Variants in SLC24A4 observed in about 807,000 individuals in gnomAD.
SLC24A4 encodes sodium/potassium/calcium exchanger 4.
SLC24A4 carries 53 observed loss-of-function variants against 79.0 expected under a neutral mutation model. That is an observed-to-expected ratio of 0.67 (90% CI 0.54 to 0.84). The LOEUF (loss-of-function observed/expected upper bound fraction) is 0.84, where lower values mean the gene tolerates loss of function less well. Ranked by LOEUF, SLC24A4 falls within the 40% of genes least tolerant of loss-of-function variation. SLC24A4 has a pLI of 0.00. For missense variants in SLC24A4, 731 were observed against 822.0 expected (o/e 0.89, Z 1.35); for synonymous variants, 323 against 323.8 (o/e 1.00, Z 0.03).
At chr14:92,404,414 G>A (rs546842468) in intron 2 of SLC24A4, among the ~76,000 whole-genome samples, 1 of 152,284 alleles carries the variant, frequency 6.6e-6, no homozygotes, top group East Asian at 1.9e-4. Flanking sequence ...CATCCCCCAT[G>A]TATGAAGGCC....
At position 92,483,271 on chromosome 14, in the gene SLC24A4, TC is replaced by T. The variant is rs991276476; in HGVS notation, c.1422+431del. 2.0e-5 allele frequency among the ~76,000 whole-genome samples: 3 copies of T among 152,018 alleles called. No individual in the cohort carries two copies. The East Asian group carries it at 5.8e-4, about 29-fold the overall frequency. On this transcript the variant is annotated intron_variant, in intron 13 of 16. Transcript: ENST00000532405. ...CCTTGCTCCTGCCCAGGAATGCTCC[TC>T]CCCCCACTGATGTGCTGGTGCTGGT...
chr14:92,337,888 C>T (rs1009175128), intron 2 of SLC24A4, among the ~76,000 whole-genome samples: 3 of 152,124 alleles, frequency 2.0e-5, no homozygotes, highest in African/African-American at 7.2e-5. Context: ...TTAAAGAGAA[C>T]TTAAACTGAA....
intron 12 of SLC24A4, among the ~76,000 whole-genome samples, chr14:92,464,924 C>A (rs1894020219): frequency 6.6e-6 from 1 of 152,170 alleles, no homozygotes; most frequent in South Asian, 2.1e-4. Flanking sequence ...AGGGCAAGGC[C>A]CCAGCCAACA....
chr14:92,408,166 AGTGTGTGTGT>A (rs143375295), intron 2 of SLC24A4, among the ~76,000 whole-genome samples: 157 of 136,916 alleles, frequency 1.1e-3, no homozygotes, highest in African/African-American at 3.7e-3. Context: ...TTGCTACAGC[AGTGTGTGTGT>A]GTGTGTGTGT....
At chr14:92,378,790 C>T (rs1888662258) in intron 2 of SLC24A4, among the ~76,000 whole-genome samples, 1 of 152,210 alleles carries the variant, frequency 6.6e-6, no homozygotes, top group East Asian at 1.9e-4. Context: ...TGGCACGCAC[C>T]TGTAGTCCTA....
At chr14:92,470,382 AGGTT>A (rs1566792087) in intron 12 of SLC24A4, among the ~76,000 whole-genome samples, 1 of 152,174 alleles carries the variant, frequency 6.6e-6, no homozygotes, top group African/African-American at 2.4e-5. Flanking sequence ...TGCAAACCAC[AGGTT>A]AACCACTCCC....
chr14:92,351,059 C>T (rs1886831954), intron 2 of SLC24A4, among the ~76,000 whole-genome samples: 1 of 152,126 alleles, frequency 6.6e-6, no homozygotes, highest in South Asian at 2.1e-4. Context: ...TCTAAGCCTC[C>T]AGAATTGTGG....
At chr14:92,350,761 C>G (rs1311981675) in intron 2 of SLC24A4, among the ~76,000 whole-genome samples, 3 of 152,152 alleles carry the variant, frequency 2.0e-5, no homozygotes, top group Non-Finnish European at 1.5e-5. Context: ...TGGAGCTTGG[C>G]CAGATATGCT....
rs10138903 is a variant in SLC24A4 at position 92,441,976 on chromosome 14, T to A, written c.394-113T>A. ...GGGTGAGAGGCTGCAGGCAGACGAG[T>A]TTGCCTCTGGCTGCAGCACTGCTCT... On this transcript the variant is annotated intron_variant, in intron 4 of 16. Transcript: ENST00000532405. This position sits in a 1 kb window ranked among gnomAD's most constrained non-coding sequence, Gnocchi z 4.6. 1.4e-3 allele frequency: 1,080 copies of A among 770,026 alleles called. 9 individuals are homozygous for A. In the African/African-American group the frequency reaches 0.017, roughly 12 times the overall value. 47.7% of individuals were successfully genotyped at this position (770,026 alleles called of 1,614,324 possible).
At chr14:92,453,642 G>A (rs573296366) in intron 10 of SLC24A4, 81 of 411,692 alleles carry the variant, frequency 2.0e-4, no homozygotes, top group African/African-American at 1.6e-3. Context: ...GGCGAAAAGA[G>A]CATCAATTGC....
At chr14:92,421,210 T>C (rs941273626) in intron 2 of SLC24A4, among the ~76,000 whole-genome samples, 3 of 152,222 alleles carry the variant, frequency 2.0e-5, no homozygotes, top group Admixed American at 2.0e-4. Flanking sequence ...TCAGTGATAA[T>C]ATGCTTTCCT....
chr14:92,452,168 T>G (rs1893178716), intron 10 of SLC24A4: 1 of 152,214 alleles, frequency 6.6e-6, no homozygotes, highest in African/African-American at 2.4e-5. Flanking sequence ...ACTCCTGGAA[T>G]TAGAGAAGGG....
rs1352874045 is a variant in SLC24A4, at chr14:92,492,277, A to G, written c.1716+37A>G. The G allele has an allele frequency of 3.1e-6, 5 of 1,587,610 alleles. No homozygotes were observed. In the African/African-American group the frequency reaches 4.0e-5, roughly 13 times the overall value. On this transcript the variant is annotated intron_variant, in intron 16 of 16. Transcript: ENST00000532405. Reference sequence around the variant, plus strand: ...CAATTCCAAAACAGATGCCTCATGCATACTTGATTTCATCTGATTCCGCCT... The same window carrying G: ...CAATTCCAAAACAGATGCCTCATGCGTACTTGATTTCATCTGATTCCGCCT...
intron 13 of SLC24A4, chr14:92,484,452 A>G (rs1895247275): frequency 6.1e-6 from 6 of 985,268 alleles, no homozygotes; most frequent in Non-Finnish European, 7.2e-6. Context: ...AGAGCTCTGT[A>G]TCCCAAAAGG....
intron 2 of SLC24A4, among the ~76,000 whole-genome samples, chr14:92,347,338 A>T (rs988165328): frequency 6.6e-6 from 1 of 152,194 alleles, no homozygotes; most frequent in Non-Finnish European, 1.5e-5. Flanking sequence ...TCCATTCGTG[A>T]TATAAGACCT....
intron 2 of SLC24A4, among the ~76,000 whole-genome samples, chr14:92,367,083 T>C (rs1300384529): frequency 1.3e-5 from 2 of 152,160 alleles, no homozygotes; most frequent in Non-Finnish European, 2.9e-5. Flanking sequence ...CCAGCAATTC[T>C]TGGAGTCCTC....
At chr14:92,440,754 G>A (rs952144922) in intron 4 of SLC24A4, among the ~76,000 whole-genome samples, 4 of 151,938 alleles carry the variant, frequency 2.6e-5, no homozygotes, top group Non-Finnish European at 5.9e-5. Flanking sequence ...CAAAGGGAGA[G>A]GGGGAGCATC....
intron 14 of SLC24A4, among the ~76,000 whole-genome samples, chr14:92,489,103 A>G (rs1895531476): frequency 6.6e-6 from 1 of 152,128 alleles, no homozygotes; most frequent in African/African-American, 2.4e-5. Flanking sequence ...CCTCAGGGTA[A>G]CATTGATATG....
In SLC24A4 at chr14:92,372,981, CTCT is replaced by C. The variant is rs1566722123; in HGVS notation, c.241+47004_241+47006del. Among the ~76,000 whole-genome samples, 59 of 136,558 alleles carry C rather than the reference CTCT, an allele frequency of 4.3e-4. 2 individuals are homozygous for C. The highest frequency in any genetic ancestry group is 7.4e-4 in the Non-Finnish European group (45 of 61,000). 89.6% of individuals were successfully genotyped at this position (136,558 alleles called of 152,430 possible). On this transcript the variant is annotated intron_variant, in intron 2 of 16. Transcript: ENST00000532405. ...TCCCTCTCTCTCTCTCCCCCCCTCC[CTCT>C]CCCTCTCTCTCTCTTCTTTCTTTCT...
Sources: gnomAD v4.1 joint callset for allele counts (sites outside exome capture counted in the v4.1 genomes callset) on GRCh38, gnomAD v4.1.1 for gene constraint, Gnocchi (gnomAD v3.1) non-coding constraint, MANE v1.5 for transcripts, NCBI Gene and HGNC (gene_info 2026-07-23, HGNC 2026-07-21) for gene names.